Variants in ADAM23 observed in about 807,000 individuals in gnomAD.
ADAM23 encodes the protein ADAM metallopeptidase domain 23.
In ADAM23, 33 loss-of-function variants were observed where a neutral mutation model predicts 120.1. The ratio of observed to expected loss-of-function variants is 0.27; its 90% confidence interval spans 0.21 to 0.37. The LOEUF is 0.37. ADAM23 is among the 10% of genes least tolerant of loss of function. The probability of loss-of-function intolerance (pLI) is 1.00; values close to 1 mark genes in which losing one functional copy is unlikely to be tolerated. For missense variants in ADAM23, 862 were observed against 1,058.2 expected (o/e 0.81, Z 2.57); for synonymous variants, 367 against 375.2 (o/e 0.98, Z 0.25).
chr2:206,561,045 T>C, intron 11 of ADAM23, 83 bp from the exon 12 acceptor site: 2 of 1,181,442 alleles, frequency 1.7e-6, no homozygotes, highest in Non-Finnish European at 2.5e-6. Flanking sequence ...GGGTGTTCCA[T>C]GTAGGAGGGT....
rs74788712 is a variant in ADAM23 at position 206,565,448 on chromosome 2, A to G, written c.1394+380A>G. ...TACATTTTAAGGAACTCGTAAATAT[A>G]TATGTTTACGGTAATAAAAATTAAA... On this transcript the variant is annotated intron_variant, in intron 14 of 25. Transcript: ENST00000264377. Among the ~76,000 whole-genome samples the G allele has an allele frequency of 6.8e-3, 1,031 of 152,342 alleles. 10 individuals carry two copies. The highest frequency in any genetic ancestry group is 0.012 in the Non-Finnish European group (812 of 68,028).
intron 9 of ADAM23, among the ~76,000 whole-genome samples, chr2:206,554,834 C>G (rs1697609118): frequency 6.6e-6 from 1 of 152,164 alleles, no homozygotes; most frequent in Admixed American, 6.5e-5. Flanking sequence ...AATGGCACTT[C>G]AAGTTAACAA....
chr2:206,558,374 T>C (rs1183047894), intron 10 of ADAM23, among the ~76,000 whole-genome samples: 1 of 152,224 alleles, frequency 6.6e-6, no homozygotes, highest in Non-Finnish European at 1.5e-5. Context: ...TTGCCAAATA[T>C]CTAAATGATA....
rs1300530375 is a variant in ADAM23, at chr2:206,445,303, C to G, written c.215-4C>G. ...CTGCTCCCCCACCCCCCTACCTCCA[C>G]CAGCTCCGCATTGGAATGAAACTGC... On this transcript the variant is annotated splice_polypyrimidine_tract_variant and splice_region_variant and intron_variant, in intron 1 of 25. Coordinates refer to ENST00000264377, the MANE Select transcript of ADAM23 (RefSeq NM_003812.4). The G allele has an allele frequency of 6.2e-7, 1 of 1,613,066 alleles. No homozygotes were observed. The highest frequency in any genetic ancestry group is 8.5e-7 in the Non-Finnish European group (1 of 1,179,228).
At chr2:206,596,028 T>C (rs189944229) in intron 23 of ADAM23, 23 bp from the exon 24 acceptor site, 3 of 1,568,808 alleles carry the variant, frequency 1.9e-6, no homozygotes, top group Admixed American at 3.4e-5. Context: ...GAAAATGCCA[T>C]ATCTGTTCCT....
In ADAM23 at chr2:206,495,377, A is replaced by G. The variant is rs1293971054; in HGVS notation, c.509+14069A>G. The stretch of plus-strand genomic sequence containing the variant: ...TCTTAAAGAAAAGAATTTTCAACCC[A>G]GAATTTCATATCCAGCCAAACTAAG... On this transcript the variant is annotated intron_variant, in intron 3 of 25. Transcript: ENST00000264377. 7.4e-4 allele frequency among the ~76,000 whole-genome samples: 113 copies of G among 152,346 alleles called. 1 individual carries two copies. The highest frequency in any genetic ancestry group is 2.2e-3 in the African/African-American group (93 of 41,582).
At chr2:206,587,580 G>GAAA (rs5838034) in intron 19 of ADAM23, among the ~76,000 whole-genome samples, 2 of 147,614 alleles carry the variant, frequency 1.4e-5, no homozygotes, top group Non-Finnish European at 3.0e-5. Context: ...CAGATTAAGA[G>GAAA]AAAAAAAAAA....
chr2:206,457,173 A>G (rs1255513090), intron 2 of ADAM23, among the ~76,000 whole-genome samples: 5 of 152,214 alleles, frequency 3.3e-5, no homozygotes, highest in Non-Finnish European at 5.9e-5. Flanking sequence ...TAAATATAAT[A>G]TATTGCCTTT....
At chr2:206,505,114 A>G (rs1166940342) in intron 3 of ADAM23, among the ~76,000 whole-genome samples, 3 of 152,200 alleles carry the variant, frequency 2.0e-5, no homozygotes, top group Admixed American at 1.3e-4. Context: ...TACTAGCTAT[A>G]GAATTTTCCA....
intron 2 of ADAM23, among the ~76,000 whole-genome samples, chr2:206,480,267 G>A (rs558061150): frequency 3.0e-4 from 45 of 152,186 alleles, no homozygotes; most frequent in Non-Finnish European, 4.9e-4. Flanking sequence ...GCATGGGGTA[G>A]TATTGGGGGG....
intron 8 of ADAM23, 77 bp from the exon 9 acceptor site, chr2:206,550,018 A>ACAAAG (rs1697480147): frequency 1.2e-6 from 1 of 838,772 alleles, no homozygotes; most frequent in African/African-American, 1.8e-5. Context: ...TCAAAGTCTT[A>ACAAAG]TCTACAACTT....
chr2:206,546,346 G>A (rs1283197246), intron 6 of ADAM23, among the ~76,000 whole-genome samples: 1 of 152,110 alleles, frequency 6.6e-6, no homozygotes, highest in Non-Finnish European at 1.5e-5. Flanking sequence ...ATATTTTGAT[G>A]TTTGTTGTTA....
Position 206,580,507 on chromosome 2 carries a change from G to C in ADAM23, c.1738-6818G>C, listed in dbSNP as rs113388692. 9.9e-3 allele frequency among the ~76,000 whole-genome samples: 1,511 copies of C among 152,248 alleles called. 17 individuals are homozygous for C. Among genetic ancestry groups the C allele is most frequent in the Non-Finnish European group, 0.017 (1,182 of 68,016 alleles). On this transcript the variant is annotated intron_variant, in intron 18 of 25. Coordinates refer to ENST00000264377, the MANE Select transcript of ADAM23 (RefSeq NM_003812.4). ...TTTTTGTTTTTAATTCTGTTTATGT[G>C]GTGTATTGCATTTATTAGCTTGTGT...
At chr2:206,471,351 C>A (rs1429206493) in intron 2 of ADAM23, among the ~76,000 whole-genome samples, 2 of 152,102 alleles carry the variant, frequency 1.3e-5, no homozygotes, top group Non-Finnish European at 2.9e-5. Context: ...AGTTAAAGAA[C>A]CTTCTATTGC....
At chr2:206,604,049 G>A (rs978699449) in intron 24 of ADAM23, among the ~76,000 whole-genome samples, 1 of 151,644 alleles carries the variant, frequency 6.6e-6, no homozygotes, top group Non-Finnish European at 1.5e-5. Context: ...GGCAGACCAC[G>A]AGGTCAGGAG....
chr2:206,520,892 T>C (rs1219584827), intron 3 of ADAM23, among the ~76,000 whole-genome samples: 2 of 152,092 alleles, frequency 1.3e-5, no homozygotes, highest in African/African-American at 4.8e-5. Context: ...TTCAACACTA[T>C]TGCCCCATAT....
intron 3 of ADAM23, among the ~76,000 whole-genome samples, chr2:206,515,179 G>T (rs1352803660): frequency 6.6e-6 from 1 of 152,132 alleles, no homozygotes; most frequent in African/African-American, 2.4e-5. Flanking sequence ...TACAGTAGGA[G>T]AATATGGGAG....
At chr2:206,516,852 C>G (rs2105786894) in intron 3 of ADAM23, among the ~76,000 whole-genome samples, 1 of 152,160 alleles carries the variant, frequency 6.6e-6, no homozygotes, top group South Asian at 2.1e-4. Context: ...ACCCAACCTA[C>G]CCTTGTTTGA....
chr2:206,559,409 T>C (rs1697713529), intron 10 of ADAM23, among the ~76,000 whole-genome samples: 1 of 152,060 alleles, frequency 6.6e-6, no homozygotes, highest in African/African-American at 2.4e-5. Context: ...ATGAGATGAG[T>C]GATAGGGATC....
Sources: gnomAD v4.1 joint callset for allele counts (sites outside exome capture counted in the v4.1 genomes callset) on GRCh38, gnomAD v4.1.1 for gene constraint, MANE v1.5 for transcripts, NCBI Gene and HGNC (gene_info 2026-07-23, HGNC 2026-07-21) for gene names.